Variants in USH2A observed in about 807,000 individuals in gnomAD.
USH2A encodes Usher syndrome 2A (autosomal recessive, mild).
A neutral mutation model predicts 538.9 loss-of-function variants in USH2A; 443 were observed. That is an observed-to-expected ratio of 0.82 (90% CI 0.76 to 0.89). USH2A has a LOEUF of 0.89. Ranked by LOEUF, USH2A falls within the 40% of genes least tolerant of loss-of-function variation. The probability of loss-of-function intolerance (pLI) is 0.00; values close to 1 mark genes in which losing one functional copy is unlikely to be tolerated. For synonymous variants in USH2A, 2,413 were observed against 2,273.5 expected (o/e 1.06, Z -1.75); for missense variants, 6,633 against 6,324.8 (o/e 1.05, Z -1.65).
chr1:216,290,910 A>C (rs1022962301), intron 10 of USH2A, among the ~76,000 whole-genome samples: 1 of 151,884 alleles, frequency 6.6e-6, no homozygotes, highest in African/African-American at 2.4e-5. Context: ...CTCACAAAAC[A>C]CTCACTTTTT....
At chr1:216,288,433 C>G (rs559476208) in intron 11 of USH2A, among the ~76,000 whole-genome samples, 4 of 152,132 alleles carry the variant, frequency 2.6e-5, no homozygotes, top group African/African-American at 7.2e-5. Context: ...TTTGGGAAAG[C>G]AATTTTTAAT....
chr1:215,822,786 C>A lies in USH2A; in HGVS notation c.9372-5591G>T, dbSNP rs76817444. On this transcript the variant is annotated intron_variant, in intron 47 of 71. Coordinates refer to ENST00000307340, the MANE Select transcript of USH2A (RefSeq NM_206933.4). ...CATGGCTTTTATTTTGATGTATGCA[C>A]CTTCTATATCCAGTTTCTTGAGGGA... is the stretch of plus-strand genomic sequence containing the variant. Among the ~76,000 whole-genome samples, 811 of 151,890 alleles carry A rather than the reference C, an allele frequency of 5.3e-3. 6 individuals are homozygous for A. The highest frequency in any genetic ancestry group is 0.018 in the African/African-American group (750 of 41,478).
chr1:215,743,983 CTCTATTGGCA>C (rs1660392877), intron 58 of USH2A, among the ~76,000 whole-genome samples: 1 of 152,078 alleles, frequency 6.6e-6, no homozygotes, highest in African/African-American at 2.4e-5. Context: ...TAAAGATATA[CTCTATTGGCA>C]AATAAAAATG....
intron 14 of USH2A, among the ~76,000 whole-genome samples, chr1:216,231,258 TA>T (rs1278602070): frequency 3.0e-5 from 3 of 100,302 alleles, no homozygotes; most frequent in African/African-American, 6.6e-5. Context: ...ATTATATATA[TA>T]ATATATATAT....
In USH2A at chr1:216,268,070, A is replaced by C. The variant is rs541944267; in HGVS notation, c.1972-16972T>G. On this transcript the variant is annotated intron_variant, in intron 11 of 71. Coordinates refer to ENST00000307340, the MANE Select transcript of USH2A (RefSeq NM_206933.4). ...TGAGGTATTATACTTCCTGTAGAAA[A>C]ACTAACAGACGTCTCTAACATAAAA... Among the ~76,000 whole-genome samples the C allele has an allele frequency of 1.4e-4, 21 of 152,202 alleles. No individual in the cohort carries two copies. In the South Asian group the frequency reaches 4.2e-3, roughly 30 times the overall value.
intron 14 of USH2A, among the ~76,000 whole-genome samples, chr1:216,218,112 G>A (rs573492827): frequency 6.6e-6 from 1 of 151,934 alleles, no homozygotes; most frequent in East Asian, 1.9e-4. Context: ...CCTTAATATG[G>A]GTTATATTTC....
chr1:216,289,536 C>T, intron 10 of USH2A, 126 bp from the exon 11 acceptor site: 1 of 1,239,966 alleles, frequency 8.1e-7, no homozygotes, highest in Non-Finnish European at 1.2e-6. Context: ...TTTAATGCAC[C>T]TTTCATCTCT....
intron 51 of USH2A, among the ~76,000 whole-genome samples, chr1:215,787,469 A>G (rs1661834947): frequency 6.6e-6 from 1 of 152,164 alleles, no homozygotes; most frequent in Non-Finnish European, 1.5e-5. Flanking sequence ...TTACGCTTAT[A>G]AACATTTTCT....
At chr1:216,032,267 C>T (rs545211618) in intron 32 of USH2A, among the ~76,000 whole-genome samples, 179 of 152,088 alleles carry the variant, frequency 1.2e-3, no homozygotes, top group African/African-American at 3.3e-3. Flanking sequence ...CTTATTTCTG[C>T]GACTAATAGC....
intron 63 of USH2A, among the ~76,000 whole-genome samples, chr1:215,671,902 G>A (rs1365031259): frequency 1.3e-5 from 2 of 152,074 alleles, no homozygotes; most frequent in Non-Finnish European, 2.9e-5. Flanking sequence ...GGTCTCAGTG[G>A]TAATAAATCC....
intron 61 of USH2A, among the ~76,000 whole-genome samples, chr1:215,708,641 C>A (rs919631946): frequency 1.3e-5 from 2 of 152,054 alleles, no homozygotes; most frequent in Non-Finnish European, 2.9e-5. Flanking sequence ...CCCTTGCGTG[C>A]GCAGTTCATA....
At chr1:215,921,175 G>T (rs1666089178) in intron 38 of USH2A, among the ~76,000 whole-genome samples, 1 of 151,958 alleles carries the variant, frequency 6.6e-6, no homozygotes, top group Non-Finnish European at 1.5e-5. Context: ...ACAATCAGAA[G>T]ATCACAATTT....
chr1:215,666,321 C>T (rs1657601814), intron 64 of USH2A, among the ~76,000 whole-genome samples: 1 of 152,122 alleles, frequency 6.6e-6, no homozygotes, highest in Non-Finnish European at 1.5e-5. Flanking sequence ...GTAGCTGAGA[C>T]ATGGACTTTG....
rs545565872 is a variant in USH2A, at chr1:215,893,263, TG to T, written c.7595-4210del. ...TTTTATAGGCAGGTGCTATAGAAAA[TG>T]CTATAGAAAATGATTATGGTAAACA... is the stretch of plus-strand genomic sequence containing the variant. On this transcript the variant is annotated intron_variant, in intron 40 of 71. Transcript: ENST00000307340. 4.1e-3 allele frequency among the ~76,000 whole-genome samples: 626 copies of T among 152,268 alleles called. 6 individuals carry two copies. The highest frequency in any genetic ancestry group is 0.014 in the African/African-American group (592 of 41,558).
chr1:216,010,974 C>T (rs780905784), intron 32 of USH2A, among the ~76,000 whole-genome samples: 1 of 152,094 alleles, frequency 6.6e-6, no homozygotes, highest in African/African-American at 2.4e-5. Flanking sequence ...CACCCTTACC[C>T]CTCTCAATGC....
chr1:215,714,295 A>T (rs1267607591), intron 61 of USH2A, among the ~76,000 whole-genome samples: 2 of 152,230 alleles, frequency 1.3e-5, no homozygotes, highest in African/African-American at 4.8e-5. Flanking sequence ...AGTGTGTGTG[A>T]GGGAGAGTGG....
intron 53 of USH2A, 125 bp downstream of exon 53, chr1:215,782,613 C>T (rs2102763232): frequency 9.5e-7 from 1 of 1,049,416 alleles, no homozygotes; most frequent in Non-Finnish European, 1.4e-6. Flanking sequence ...TTACAGTTCC[C>T]TTTATCGGAA....
chr1:216,074,954 A>G (rs1229072571), intron 27 of USH2A, among the ~76,000 whole-genome samples: 1 of 152,170 alleles, frequency 6.6e-6, no homozygotes, highest in Non-Finnish European at 1.5e-5. Flanking sequence ...AACAATGTGA[A>G]TGTACCTAAT....
chr1:215,908,191 G>A (rs970112864), intron 38 of USH2A, among the ~76,000 whole-genome samples: 2 of 151,866 alleles, frequency 1.3e-5, no homozygotes, highest in South Asian at 4.1e-4. Flanking sequence ...TTTCATACAT[G>A]TCCCTTTTGT....
Sources: gnomAD v4.1 joint callset for allele counts (sites outside exome capture counted in the v4.1 genomes callset) on GRCh38, gnomAD v4.1.1 for gene constraint, MANE v1.5 for transcripts, NCBI Gene and HGNC (gene_info 2026-07-23, HGNC 2026-07-21) for gene names.